NRCAM: variants seen among roughly 807,000 people sequenced by gnomAD.
The protein encoded by NRCAM is neuronal cell adhesion molecule.
In NRCAM, 83 loss-of-function variants were observed where a neutral mutation model predicts 156.5. The ratio of observed to expected loss-of-function variants is 0.53; its 90% CI spans 0.44 to 0.64. The LOEUF (loss-of-function observed/expected upper bound fraction) is 0.64. Ranked by LOEUF, NRCAM falls within the 30% of genes least tolerant of loss-of-function variation. The pLI, the probability that NRCAM is intolerant of heterozygous loss-of-function variation, is 0.00. For synonymous variants in NRCAM, 538 were observed against 563.9 expected, an observed-to-expected ratio of 0.95 and a Z score of 0.65; for missense variants, 1,417 against 1,597.3, an observed-to-expected ratio of 0.89 and a Z score of 1.92.
intron 2 of NRCAM, among the ~76,000 whole-genome samples, chr7:108,321,954 G>A (rs1228096756): frequency 6.6e-6 from 1 of 152,170 alleles, no homozygotes; most frequent in African/African-American, 2.4e-5. Flanking sequence ...ATATAGTAAA[G>A]CAGATTCAGG....
In NRCAM at chr7:108,203,408, A is replaced by C. The variant is rs145975589; in HGVS notation, c.1207+4120T>G. ...GGGAAGGGTAAAGCTTTAGGAGACA[A>C]TGAAATAAAAGCCCAGACACTTTTG... On this transcript the variant is annotated intron_variant, in intron 13 of 32. Coordinates refer to ENST00000379028, the MANE Select transcript of NRCAM (RefSeq NM_001037132.4). Among the ~76,000 whole-genome samples the C allele has an allele frequency of 6.3e-3, 961 of 151,496 alleles. 14 individuals carry two copies. The highest frequency in any genetic ancestry group is 0.022 in the African/African-American group (917 of 41,234).
intron 1 of NRCAM, among the ~76,000 whole-genome samples, chr7:108,410,992 T>G (rs1432897613): frequency 6.9e-6 from 1 of 145,036 alleles, no homozygotes; most frequent in Non-Finnish European, 1.5e-5. Context: ...CCATTTTCAG[T>G]TTTATTCTGT....
At chr7:108,226,428 C>A (rs756720283) in intron 8 of NRCAM, 50 bp from the exon 9 acceptor site, 1 of 1,383,022 alleles carries the variant, frequency 7.2e-7, no homozygotes, top group South Asian at 1.3e-5. Context: ...AAAGTGGCTA[C>A]CCTCCAAATT....
chr7:108,170,412 C>T (rs2057753609), intron 28 of NRCAM, among the ~76,000 whole-genome samples: 1 of 152,182 alleles, frequency 6.6e-6, no homozygotes, highest in African/African-American at 2.4e-5. Flanking sequence ...TTAGGACAAA[C>T]CTGCCTCCCA....
At chr7:108,169,267 T>C (rs2056976768) in intron 28 of NRCAM, among the ~76,000 whole-genome samples, 1 of 152,214 alleles carries the variant, frequency 6.6e-6, no homozygotes, top group Non-Finnish European at 1.5e-5. Context: ...AAAAATGTTA[T>C]TTGAATACCT....
chr7:108,360,573 T>C (rs1003267867), intron 2 of NRCAM, among the ~76,000 whole-genome samples: 1 of 152,150 alleles, frequency 6.6e-6, no homozygotes, highest in Non-Finnish European at 1.5e-5. Flanking sequence ...GTTGAAGAAT[T>C]CATACTTCCT....
chr7:108,290,851 G>A (rs189539016), intron 3 of NRCAM, among the ~76,000 whole-genome samples: 117 of 152,194 alleles, frequency 7.7e-4, no homozygotes, highest in Non-Finnish European at 5.1e-4. Context: ...TCATCAACTC[G>A]CTACTGTAGC....
At chr7:108,175,944 C>A (rs541817341) in intron 27 of NRCAM, among the ~76,000 whole-genome samples, 2 of 152,026 alleles carry the variant, frequency 1.3e-5, no homozygotes, top group African/African-American at 4.8e-5. Flanking sequence ...ATAACTGTTT[C>A]GATTTCCTTG....
chr7:108,381,661 G>C (rs982044290), intron 2 of NRCAM, among the ~76,000 whole-genome samples: 1 of 150,946 alleles, frequency 6.6e-6, no homozygotes, highest in African/African-American at 2.4e-5. Flanking sequence ...CCAGGTTCAA[G>C]AGATTCTCCT....
rs747522862 is a variant in NRCAM, at chr7:108,225,654, A to C, written c.769T>G (p.Phe257Val). 1 of 1,590,598 alleles carries C rather than the reference A, an allele frequency of 6.3e-7. No homozygotes were observed. The highest frequency in any genetic ancestry group is 1.1e-5 in the South Asian group (1 of 90,574). Residue 257 changes from phenylalanine (F) to valine (V), a missense_variant, in exon 10 of 33, where the codon TTT becomes GTT. Phe to Val is a conservative substitution (Grantham distance 50, BLOSUM62 -1). Transcript: ENST00000379028. ...TIAANLSDTE[F>V]YGAKSSRERP... ...AATCACCATAACTCACCACCATAAA[A>C]CTCAGTGTCACTCAAATTAGCAGCT... is the stretch of plus-strand genomic sequence containing the variant.
At chr7:108,272,648 G>T (rs1452739425) in intron 3 of NRCAM, among the ~76,000 whole-genome samples, 1 of 151,078 alleles carries the variant, frequency 6.6e-6, no homozygotes, top group Admixed American at 6.6e-5. Context: ...TTAGAATTTT[G>T]ATTTTAAAAA....
chr7:108,296,280 T>C (rs2098452479), intron 3 of NRCAM, among the ~76,000 whole-genome samples: 2 of 152,312 alleles, frequency 1.3e-5, no homozygotes, highest in African/African-American at 2.4e-5. Flanking sequence ...CACATTTTCT[T>C]ACACAGGTAC....
intron 11 of NRCAM, among the ~76,000 whole-genome samples, chr7:108,220,441 C>A (rs2091811595): frequency 1.3e-5 from 2 of 152,140 alleles, no homozygotes; most frequent in Non-Finnish European, 2.9e-5. Context: ...TACCTGATTT[C>A]AAACTATACT....
intron 1 of NRCAM, among the ~76,000 whole-genome samples, chr7:108,435,255 C>T (rs574567861): frequency 1.3e-5 from 2 of 152,110 alleles, no homozygotes; most frequent in South Asian, 4.2e-4. Context: ...AAGATCGATA[C>T]CTGAAATGAA....
intron 24 of NRCAM, among the ~76,000 whole-genome samples, chr7:108,181,253 AACAAATCAAAGTAGTGACTGTACGCTTG>A (rs745512600): frequency 2.0e-5 from 3 of 152,056 alleles, no homozygotes; most frequent in Admixed American, 6.6e-5. Context: ...GGTCAGGCTT[AACAAATCAAAGTAGTGACTGTACGCTTG>A]GCTGCCTATC....
intron 8 of NRCAM, among the ~76,000 whole-genome samples, chr7:108,227,001 C>T (rs906033232): frequency 5.9e-5 from 9 of 152,198 alleles, no homozygotes; most frequent in Non-Finnish European, 1.0e-4. Flanking sequence ...GCCTCCCAAG[C>T]CCAGTTCCTC....
chr7:108,304,379 C>T (rs536937424), intron 3 of NRCAM, among the ~76,000 whole-genome samples: 1 of 131,268 alleles, frequency 7.6e-6, no homozygotes, highest in South Asian at 3.2e-4. Flanking sequence ...ATCAATAATG[C>T]TATTCCATGC....
intron 3 of NRCAM, among the ~76,000 whole-genome samples, chr7:108,273,072 T>C (rs2097431791): frequency 6.6e-6 from 1 of 152,226 alleles, no homozygotes; most frequent in Non-Finnish European, 1.5e-5. Flanking sequence ...ACAAAGGACA[T>C]GAACTCATCC....
chr7:108,205,693 T>C (rs1287730408), intron 13 of NRCAM, among the ~76,000 whole-genome samples: 1 of 152,162 alleles, frequency 6.6e-6, no homozygotes, highest in Non-Finnish European at 1.5e-5. Flanking sequence ...CAAGCATGTA[T>C]CATCATTTAT....
Sources: gnomAD v4.1 joint callset for allele counts (sites outside exome capture counted in the v4.1 genomes callset) on GRCh38, gnomAD v4.1.1 for gene constraint, MANE v1.5 for transcripts, NCBI Gene and HGNC (gene_info 2026-07-23, HGNC 2026-07-21) for gene names.